The following LPAR1 variants were observed in gnomAD, a reference collection of about 807,000 sequenced individuals.
LPAR1 encodes LPA receptor 1.
Under a neutral mutation model 23.8 loss-of-function variants are expected in LPAR1, and 5 were observed. The ratio of observed to expected loss-of-function variants is 0.21; its 90% CI spans 0.11 to 0.44. The LOEUF (loss-of-function observed/expected upper bound fraction) is 0.44. Ranked by LOEUF, LPAR1 falls within the 20% of genes least tolerant of loss-of-function variation. LPAR1 has a pLI of 0.99. For synonymous variants in LPAR1, 160 were observed against 164.7 expected, an observed-to-expected ratio of 0.97 and a Z score of 0.22; for missense variants, 311 against 482.8, an observed-to-expected ratio of 0.64 and a Z score of 3.33.
intron 2 of LPAR1, 145 bp from the exon 3 acceptor site, chr9:110,973,703 C>T (rs1236257778): frequency 1.3e-5 from 2 of 152,190 alleles, no homozygotes; most frequent in African/African-American, 4.8e-5. Flanking sequence ...TAGTAAATCA[C>T]AGCCCTAGTT....
chr9:111,002,274 A>G (rs1038136119), intron 2 of LPAR1, among the ~76,000 whole-genome samples: 2 of 152,170 alleles, frequency 1.3e-5, no homozygotes, highest in African/African-American at 4.8e-5. Flanking sequence ...TCATAATAAA[A>G]CTGTTTAATT....
Position 110,941,766 on chromosome 9 carries a change from C to A in LPAR1, c.448G>T (p.Val150Phe), listed in dbSNP as rs774401246. ...LAIAIERHIT[V>F]FRMQLHTRMS... ...CGTGTGTGGAGCTGCATGCGGAAAA[C>A]CGTAATGTGCCTCTCGATTGCAATA... Residue 150 changes from valine (V) to phenylalanine (F), a missense_variant, in exon 5 of 6, where the codon GTT becomes TTT. Around this residue, in one of 2 missense-constraint regions of LPAR1, gnomAD observed 250 missense variants for 427.2 expected, o/e 0.59. Transcript: ENST00000683809. This position sits in a 1 kb window ranked among gnomAD's most constrained non-coding sequence, Gnocchi z 6.1. 6.2e-7 allele frequency: 1 copy of A among 1,614,172 alleles called. No individual in the cohort carries two copies. Among genetic ancestry groups the A allele is most frequent in the Admixed American group, 1.7e-5 (1 of 60,024 alleles).
At chr9:110,940,628 G>C (rs1230743091) in intron 5 of LPAR1, among the ~76,000 whole-genome samples, 1 of 152,158 alleles carries the variant, frequency 6.6e-6, no homozygotes, top group East Asian at 1.9e-4. Flanking sequence ...TCTACTCTCA[G>C]CTCCAAAGGA....
chr9:110,940,745 C>G (rs2095048048), intron 5 of LPAR1, among the ~76,000 whole-genome samples: 1 of 152,134 alleles, frequency 6.6e-6, no homozygotes, highest in Admixed American at 6.5e-5. Flanking sequence ...TTCTTGATCA[C>G]TACTATGAAT....
intron 5 of LPAR1, among the ~76,000 whole-genome samples, chr9:110,929,094 T>C (rs920755434): frequency 2.6e-5 from 4 of 152,220 alleles, no homozygotes; most frequent in Admixed American, 1.3e-4. Flanking sequence ...AGTCTCCCAA[T>C]GCCAGATTAA....
At chr9:110,928,071 G>T (rs1449494743) in intron 5 of LPAR1, among the ~76,000 whole-genome samples, 1 of 152,114 alleles carries the variant, frequency 6.6e-6, no homozygotes, top group Non-Finnish European at 1.5e-5. Context: ...ATCTCAATAA[G>T]CTTCCTAGTA....
At chr9:111,009,636 T>C (rs1298453576) in intron 2 of LPAR1, among the ~76,000 whole-genome samples, 1 of 152,010 alleles carries the variant, frequency 6.6e-6, no homozygotes, top group Non-Finnish European at 1.5e-5. Context: ...CTGAATTATA[T>C]ATGAATCACT....
Position 110,942,055 on chromosome 9 carries a change from C to T in LPAR1, c.159G>A (p.Met53Ile), listed in dbSNP as rs780198694. 5.6e-6 allele frequency: 9 copies of T among 1,614,188 alleles called. No individual in the cohort carries two copies. In the South Asian group the frequency reaches 8.8e-5, roughly 16 times the overall value. The change falls in exon 5 of 6, where the codon ATG (methionine) becomes ATA (isoleucine). Residue 53 changes from methionine to isoleucine, a missense_variant. Coordinates refer to ENST00000683809, the MANE Select transcript of LPAR1 (RefSeq NM_001351411.2). ...TEWNTVSKLV[M>I]GLGITVCIFI... is the part of the protein sequence containing the mutation. The stretch of plus-strand genomic sequence containing the variant: ...AGATACAAACAGTGATTCCAAGTCC[C>T]ATCACCAGCTTGCTGACTGTGTTCC...
intron 2 of LPAR1, among the ~76,000 whole-genome samples, chr9:111,005,828 A>G (rs2097208787): frequency 6.6e-6 from 1 of 152,086 alleles, no homozygotes; most frequent in Non-Finnish European, 1.5e-5. Flanking sequence ...TGTCCAGCTG[A>G]TGTCTCAGGA....
intron 5 of LPAR1, among the ~76,000 whole-genome samples, chr9:110,921,696 G>A (rs1344233065): frequency 6.6e-6 from 1 of 152,184 alleles, no homozygotes; most frequent in East Asian, 1.9e-4. Context: ...GATGAGATGT[G>A]GTCTCAGCAT....
At chr9:111,021,560 CA>C (rs2097560597) in intron 2 of LPAR1, among the ~76,000 whole-genome samples, 1 of 152,082 alleles carries the variant, frequency 6.6e-6, no homozygotes, top group Admixed American at 6.6e-5. Flanking sequence ...AGCAAGCATC[CA>C]GCATATAAAC....
At chr9:110,947,870 T>G (rs558121668) in intron 4 of LPAR1, among the ~76,000 whole-genome samples, 2 of 152,372 alleles carry the variant, frequency 1.3e-5, no homozygotes, top group Admixed American at 6.5e-5. Flanking sequence ...TCTACTGAGA[T>G]ACTCTAAGGG....
At position 110,918,239 on chromosome 9, in the gene LPAR1, G is replaced by T. The variant is rs991700681; in HGVS notation, c.793+23182C>A. 7.4e-4 allele frequency among the ~76,000 whole-genome samples: 112 copies of T among 152,186 alleles called. 1 individual carries two copies. Among genetic ancestry groups the T allele is most frequent in the African/African-American group, 2.6e-3 (107 of 41,538 alleles). On this transcript the variant is annotated intron_variant, in intron 5 of 5. Transcript: ENST00000683809. Reference sequence around the variant, plus strand: ...CAGCCAAATCCTTTTTTAAATAAAAGATTAAGTATAAATAAACAGGCACAT... The same window carrying T: ...CAGCCAAATCCTTTTTTAAATAAAATATTAAGTATAAATAAACAGGCACAT...
chr9:111,010,652 T>A (rs2110547), intron 2 of LPAR1, among the ~76,000 whole-genome samples: 32,125 of 151,952 alleles, frequency 0.21, 5,132 homozygotes, highest in African/African-American at 0.45. Flanking sequence ...CATCAGACAA[T>A]TTTTTTTGGT....
In LPAR1 at chr9:110,941,373, T is replaced by A. The variant is rs369635615; in HGVS notation, c.793+48A>T. On this transcript the variant is annotated intron_variant, in intron 5 of 5. Transcript: ENST00000683809. This position sits in a 1 kb window ranked among gnomAD's most constrained non-coding sequence, Gnocchi z 6.1. ...TGACATAAAATAATGTGGTTTATGT[T>A]AGTCACTGAGAATCTATAAAGTAAG... The A allele has an allele frequency of 1.1e-5, 17 of 1,514,428 alleles. No individual in the cohort carries two copies. The highest frequency in any genetic ancestry group is 1.5e-5 in the Non-Finnish European group (17 of 1,123,198). The allele number at this position is 1,514,428 out of a possible 1,614,324, so 93.8% of individuals were successfully genotyped here. A position where few individuals can be genotyped will look rare whatever the true frequency, so the allele number is the denominator to read the frequency against.
intron 5 of LPAR1, among the ~76,000 whole-genome samples, chr9:110,896,933 G>A (rs551352813): frequency 7.9e-5 from 12 of 151,864 alleles, no homozygotes; most frequent in East Asian, 5.8e-4. Flanking sequence ...GACTACAGGC[G>A]CCTGCCACCA....
In LPAR1 at chr9:110,968,059, A is replaced by C. The variant is rs12006139; in HGVS notation, c.45+4014T>G. Among the ~76,000 whole-genome samples, 1,025 of 152,266 alleles carry C rather than the reference A, an allele frequency of 6.7e-3. 11 individuals carry two copies. Among genetic ancestry groups the C allele is most frequent in the African/African-American group, 0.022 (927 of 41,566 alleles). ...GTTAATTAATAAACTTGCTCAATAA[A>C]ACTATTATCGAAAGTCAGAACTTGA... is the stretch of plus-strand genomic sequence containing the variant. On this transcript the variant is annotated intron_variant, in intron 4 of 5. Transcript: ENST00000683809.
intron 2 of LPAR1, among the ~76,000 whole-genome samples, chr9:110,986,415 T>C (rs1457779188): frequency 6.6e-6 from 1 of 152,042 alleles, no homozygotes; most frequent in East Asian, 1.9e-4. Flanking sequence ...ACATGAGAAG[T>C]AATTTTCAGC....
intron 2 of LPAR1, among the ~76,000 whole-genome samples, chr9:111,006,502 G>C (rs772497301): frequency 6.6e-6 from 1 of 152,086 alleles, no homozygotes; most frequent in African/African-American, 2.4e-5. Context: ...ACCATTGCCT[G>C]TGCAAACATC....
Sources: allele counts gnomAD v4.1 joint callset (sites outside exome capture counted in the v4.1 genomes callset), GRCh38; gene constraint gnomAD v4.1.1; regional missense constraint gnomAD v4.1.1; non-coding constraint Gnocchi (gnomAD v3.1); transcripts MANE v1.5; gene names NCBI Gene and HGNC (gene_info 2026-07-23, HGNC 2026-07-21).